GABPA: variants seen among roughly 807,000 people sequenced by gnomAD.
The protein encoded by GABPA is GA-binding protein alpha chain.
A neutral mutation model predicts 59.4 loss-of-function variants in GABPA; 4 were observed. That is an observed-to-expected ratio of 0.07 (90% CI 0.03 to 0.15). The LOEUF (loss-of-function observed/expected upper bound fraction) is 0.15, where lower values mean the gene tolerates loss of function less well. Among genes scored for constraint, GABPA ranks in the 10% least tolerant of loss-of-function variants. The probability of loss-of-function intolerance (pLI) is 1.00; values close to 1 mark genes in which losing one functional copy is unlikely to be tolerated. For missense variants in GABPA, 251 were observed against 543.8 expected (o/e 0.46, Z 5.36); for synonymous variants, 164 against 183.1 (o/e 0.90, Z 0.84).
At chr21:25,766,501 A>G (rs982225157) in intron 9 of GABPA, among the ~76,000 whole-genome samples, 3 of 151,970 alleles carry the variant, frequency 2.0e-5, no homozygotes, top group African/African-American at 7.2e-5. Context: ...TATCTAACCA[A>G]TTCTTACAAA....
At chr21:25,763,352 A>G (rs1158161244) in intron 7 of GABPA, 1 of 255,388 alleles carries the variant, frequency 3.9e-6, no homozygotes, top group Non-Finnish European at 7.9e-6. Context: ...TGAGGTACGA[A>G]CACACACGTC....
At chr21:25,746,652 T>TG (rs2035373394) in intron 3 of GABPA, among the ~76,000 whole-genome samples, 1 of 148,732 alleles carries the variant, frequency 6.7e-6, no homozygotes, top group Non-Finnish European at 1.5e-5. Context: ...CTAGGGCATG[T>TG]GGGAAAGTCT....
chr21:25,749,982 A>G (rs1286076773), intron 4 of GABPA, among the ~76,000 whole-genome samples: 1 of 152,198 alleles, frequency 6.6e-6, no homozygotes, highest in African/African-American at 2.4e-5. Context: ...CTTTGTATCT[A>G]TTATTACTAC....
chr21:25,768,057 C>T (rs2035933493), intron 9 of GABPA, among the ~76,000 whole-genome samples: 1 of 152,008 alleles, frequency 6.6e-6, no homozygotes, highest in Non-Finnish European at 1.5e-5. Flanking sequence ...GTGGAAAGAG[C>T]TTGACTTGCC....
intron 4 of GABPA, among the ~76,000 whole-genome samples, chr21:25,749,569 C>A (rs1352480632): frequency 6.6e-6 from 1 of 152,232 alleles, no homozygotes; most frequent in Admixed American, 6.5e-5. Context: ...CGGGGGCTCA[C>A]GCCTGTAATC....
rs1485999404 is a variant in GABPA at position 25,770,132 on chromosome 21, A to T, written c.*900A>T. ...CAGTTTATTATGCAAAGCAGCTTAT[A>T]TTCCTTTGTTTCTGATAAAATGAAG... On this transcript the variant is annotated 3_prime_UTR_variant, in exon 10 of 10. Coordinates refer to ENST00000400075, the MANE Select transcript of GABPA (RefSeq NM_002040.4). 1 of 152,576 alleles carries T rather than the reference A, an allele frequency of 6.6e-6. No homozygotes were observed. The highest frequency in any genetic ancestry group is 1.9e-4 in the East Asian group (1 of 5,202). 9.5% of individuals were successfully genotyped at this position (152,576 alleles called of 1,614,324 possible).
chr21:25,738,969 C>A (rs1246513003), intron 1 of GABPA, among the ~76,000 whole-genome samples: 1 of 152,058 alleles, frequency 6.6e-6, no homozygotes, highest in East Asian at 1.9e-4. Context: ...CTTCATCATC[C>A]CCAAAAAAGC....
Position 25,752,083 on chromosome 21 carries a change from A to G in GABPA, c.402A>G (p.Glu134=). Residue 134 remains glutamate, a synonymous_variant, in exon 5 of 10, where the codon GAA becomes GAG. Transcript: ENST00000400075. ...IDPDAHHAES[E]AHLVEEAQVI... ...CAGATGCCCACCATGCTGAATCAGA[A>G]GCACATCTTGTTGAAGAAGCTCAAG... is the stretch of plus-strand genomic sequence containing the variant. 1 of 1,608,718 alleles carries G rather than the reference A, an allele frequency of 6.2e-7. No homozygotes were observed. Among genetic ancestry groups the G allele is most frequent in the Admixed American group, 1.7e-5 (1 of 59,926 alleles).
rs1416818876 is a variant in GABPA at position 25,769,102 on chromosome 21, C to T, written c.1235C>T (p.Ala412Val). 2.5e-6 allele frequency: 4 copies of T among 1,613,092 alleles called. No individual in the cohort carries two copies. The highest frequency in any genetic ancestry group is 3.4e-6 in the Non-Finnish European group (4 of 1,179,196). Residue 412 changes from alanine (A) to valine (V), a missense_variant, in exon 10 of 10, where the codon GCG becomes GTG. Ala to Val is a moderately conservative substitution (Grantham distance 64). Transcript: ENST00000400075. ...DLKTLIGYSA[A>V]ELNRLVTECE... ...AAGACTCTTATTGGATACAGTGCAG[C>T]GGAGTTGAACCGTTTGGTCACAGAA...
intron 2 of GABPA, among the ~76,000 whole-genome samples, chr21:25,742,084 A>G (rs2035235485): frequency 6.6e-6 from 1 of 152,232 alleles, no homozygotes; most frequent in African/African-American, 2.4e-5. Context: ...TGCCCTTATA[A>G]AGGCCACGTT....
At chr21:25,755,352 C>CT (rs2035607817) in intron 5 of GABPA, among the ~76,000 whole-genome samples, 1 of 147,656 alleles carries the variant, frequency 6.8e-6, no homozygotes, top group Non-Finnish European at 1.5e-5. Context: ...GGGAAAATTG[C>CT]TTGAGCTCTG....
intron 9 of GABPA, among the ~76,000 whole-genome samples, chr21:25,765,722 C>G (rs936346975): frequency 3.3e-5 from 5 of 151,846 alleles, no homozygotes; most frequent in African/African-American, 1.2e-4. Context: ...TGCCAACTGT[C>G]TAAAGATTCT....
chr21:25,760,860 A>G (rs977114803), intron 6 of GABPA, among the ~76,000 whole-genome samples: 11 of 150,882 alleles, frequency 7.3e-5, no homozygotes, highest in Non-Finnish European at 1.3e-4. Context: ...CAGTCTTTCA[A>G]AAACTTTTTT....
At chr21:25,746,235 G>T (rs2035361144) in intron 3 of GABPA, among the ~76,000 whole-genome samples, 1 of 152,048 alleles carries the variant, frequency 6.6e-6, no homozygotes, top group South Asian at 2.1e-4. Context: ...GGCTGCTCTT[G>T]AACTCCTGAT....
At chr21:25,755,222 G>A (rs2035605025) in intron 5 of GABPA, among the ~76,000 whole-genome samples, 1 of 152,028 alleles carries the variant, frequency 6.6e-6, no homozygotes, top group South Asian at 2.1e-4. Context: ...GCTGAGGTGA[G>A]AGGGTTTCTT....
Position 25,758,622 on chromosome 21 carries a change from G to A in GABPA, c.748+418G>A, listed in dbSNP as rs2035692763. 1.3e-5 allele frequency among the ~76,000 whole-genome samples: 2 copies of A among 152,142 alleles called. 1 individual carries two copies. Among genetic ancestry groups the A allele is most frequent in the Admixed American group, 1.3e-4 (2 of 15,272 alleles). ...CATCTAGAAACGGAAGAGATCATTT[G>A]TTTACAGGTGGCTTCCTACCCATTC... On this transcript the variant is annotated intron_variant, in intron 6 of 9. Coordinates refer to ENST00000400075, the MANE Select transcript of GABPA (RefSeq NM_002040.4).
chr21:25,755,672 T>C (rs2035619136), intron 5 of GABPA, among the ~76,000 whole-genome samples: 1 of 152,150 alleles, frequency 6.6e-6, no homozygotes, highest in South Asian at 2.1e-4. Context: ...GTTCTCTCAG[T>C]GTCTGTTCGT....
Position 25,771,169 on chromosome 21 carries a change from A to G in GABPA, c.*1937A>G, listed in dbSNP as rs2036002305. 6.6e-6 allele frequency: 1 copy of G among 152,046 alleles called. No individual in the cohort carries two copies. Among genetic ancestry groups the G allele is most frequent in the Non-Finnish European group, 1.5e-5 (1 of 67,906 alleles). The allele number at this position is 152,046 out of a possible 1,614,324, so 9.4% of individuals were successfully genotyped here. ...CCTTCTGGTATATCATCAAGAGCTTAAGAATCTTGGCTTTCATATTTAAAA... is the reference window on the plus strand; with the variant it reads ...CCTTCTGGTATATCATCAAGAGCTTGAGAATCTTGGCTTTCATATTTAAAA... On this transcript the variant is annotated 3_prime_UTR_variant, in exon 10 of 10. Transcript: ENST00000400075.
chr21:25,749,104 G>A lies in GABPA; in HGVS notation c.291G>A (p.Gln97=). Residue 97 remains glutamine, a synonymous_variant, in exon 4 of 10, where the codon CAG becomes CAA. Coordinates refer to ENST00000400075, the MANE Select transcript of GABPA (RefSeq NM_002040.4). ...ATGGAACTGTACAGCTTAGTGTACA[G>A]GTAATTTCTTACCAAGGTAAGTTAC... ...KTDGTVQLSV[Q]VISYQGIEPK... The A allele has an allele frequency of 1.3e-6, 2 of 1,583,536 alleles. No individual in the cohort carries two copies. The highest frequency in any genetic ancestry group is 1.7e-6 in the Non-Finnish European group (2 of 1,157,818).
Sources: gnomAD v4.1 joint callset for allele counts (sites outside exome capture counted in the v4.1 genomes callset) on GRCh38, gnomAD v4.1.1 for gene constraint, MANE v1.5 for transcripts, NCBI Gene and HGNC (gene_info 2026-07-23, HGNC 2026-07-21) for gene names.